Variants in CEP170 observed in about 807,000 individuals in gnomAD.
The protein encoded by CEP170 is centrosomal protein of 170 kDa.
Under a neutral mutation model 151.9 loss-of-function variants are expected in CEP170, and 21 were observed. That is an observed-to-expected ratio of 0.14 (90% CI 0.10 to 0.20). The LOEUF is 0.20. Ranked by LOEUF, CEP170 falls within the 10% of genes least tolerant of loss-of-function variation. The pLI, the probability that CEP170 is intolerant of heterozygous loss-of-function variation, is 1.00. For missense variants in CEP170, 964 were observed against 1,892.9 expected (o/e 0.51, Z 9.11); for synonymous variants, 356 against 648.8 (o/e 0.55, Z 6.86).
intron 10 of CEP170, among the ~76,000 whole-genome samples, chr1:243,173,934 C>CT (rs1176753198): frequency 6.6e-6 from 1 of 152,108 alleles, no homozygotes; most frequent in Non-Finnish European, 1.5e-5. Context: ...ATCTGAGTTA[C>CT]ATTTAGGCAT....
rs964547210 is a variant in CEP170, at chr1:243,126,869, A to G, written c.4466-131T>C. On this transcript the variant is annotated intron_variant, in intron 19 of 19. Transcript: ENST00000366542. ...AATGTGGCTAATCTTCCAATATTAT[A>G]TTTAAAACTCCATTCTTAGTTATTC... 3 of 703,148 alleles carry G rather than the reference A, an allele frequency of 4.3e-6. No homozygotes were observed. The African/African-American group carries it at 5.4e-5, about 13-fold the overall frequency. The allele number at this position is 703,148 out of a possible 1,614,324, so 43.6% of individuals were successfully genotyped here. A position where few individuals can be genotyped will look rare whatever the true frequency, so the allele number is the denominator to read the frequency against.
chr1:243,195,277 G>A (rs1001051886), intron 7 of CEP170, among the ~76,000 whole-genome samples: 9 of 151,924 alleles, frequency 5.9e-5, no homozygotes, highest in African/African-American at 2.2e-4. Context: ...TTCAAAATGT[G>A]TGCAACAGTT....
chr1:243,227,042 C>T (rs1316971523), intron 1 of CEP170, among the ~76,000 whole-genome samples: 2 of 152,076 alleles, frequency 1.3e-5, no homozygotes, highest in Admixed American at 1.3e-4. Context: ...TTTTGTAACA[C>T]CACGTATTGG....
At chr1:243,153,555 A>G (rs2057303005) in intron 14 of CEP170, among the ~76,000 whole-genome samples, 1 of 152,236 alleles carries the variant, frequency 6.6e-6, no homozygotes. Context: ...CACAGTCATC[A>G]GCAGGGATGT....
chr1:243,180,034 G>T (rs2059520922), intron 10 of CEP170, among the ~76,000 whole-genome samples: 1 of 152,140 alleles, frequency 6.6e-6, no homozygotes, highest in Admixed American at 6.6e-5. Context: ...GGCGGTGATG[G>T]TTGTGCAACA....
rs1160321796 is a variant in CEP170, at chr1:243,226,033, ATCTATC to A, written c.-41-718_-41-713del. Among the ~76,000 whole-genome samples, 159 of 120,564 alleles carry A rather than the reference ATCTATC, an allele frequency of 1.3e-3. 1 individual carries two copies. Among genetic ancestry groups the A allele is most frequent in the African/African-American group, 4.0e-3 (134 of 33,686 alleles). 79.1% of individuals were successfully genotyped at this position (120,564 alleles called of 152,430 possible). A position where few individuals can be genotyped will look rare whatever the true frequency, so the allele number is the denominator to read the frequency against. ...TAGATATATATACACACGTATATAT[ATCTATC>A]TCTAGATATATATATCTAGATATAT... On this transcript the variant is annotated intron_variant, in intron 1 of 19. Transcript: ENST00000366542.
intron 1 of CEP170, among the ~76,000 whole-genome samples, chr1:243,231,188 ATCATTAT>A (rs770022190): frequency 0.026 from 3,248 of 123,188 alleles, 49 homozygotes; most frequent in Non-Finnish European, 0.041. Context: ...CATCATCATC[ATCATTAT>A]TATTATTATT....
chr1:243,238,938 G>A (rs984456842), intron 1 of CEP170, among the ~76,000 whole-genome samples: 2 of 152,064 alleles, frequency 1.3e-5, no homozygotes, highest in Non-Finnish European at 2.9e-5. Context: ...ACTTCTGTGG[G>A]CACGCCTCAA....
At chr1:243,218,133 T>TCTG (rs1163608874) in intron 3 of CEP170, among the ~76,000 whole-genome samples, 3 of 152,234 alleles carry the variant, frequency 2.0e-5, no homozygotes, top group Non-Finnish European at 4.4e-5. Flanking sequence ...CCTCAATCTC[T>TCTG]CTGCCAGCTA....
intron 16 of CEP170, among the ~76,000 whole-genome samples, chr1:243,137,577 C>T (rs1226011241): frequency 6.6e-6 from 1 of 151,924 alleles, no homozygotes; most frequent in Non-Finnish European, 1.5e-5. Flanking sequence ...GAGATCGAGA[C>T]CATCCTGGCC....
intron 4 of CEP170, among the ~76,000 whole-genome samples, chr1:243,209,306 C>T (rs1480391449): frequency 6.6e-6 from 1 of 152,028 alleles, no homozygotes; most frequent in Admixed American, 6.5e-5. Flanking sequence ...CTGCCTCAGC[C>T]TCCTGAGTAG....
intron 15 of CEP170, among the ~76,000 whole-genome samples, chr1:243,140,771 TAAAAC>T (rs909195108): frequency 6.6e-6 from 1 of 152,132 alleles, no homozygotes; most frequent in Non-Finnish European, 1.5e-5. Context: ...TATTCTGAAA[TAAAAC>T]AAAAAGAAAA....
At chr1:243,243,969 A>G (rs191147421) in intron 1 of CEP170, among the ~76,000 whole-genome samples, 2 of 152,286 alleles carry the variant, frequency 1.3e-5, no homozygotes, top group Admixed American at 1.3e-4. Flanking sequence ...TGGAGTGAAA[A>G]CCAGTATGTT....
intron 13 of CEP170, among the ~76,000 whole-genome samples, chr1:243,159,898 C>T (rs1273227361): frequency 6.6e-6 from 1 of 151,930 alleles, no homozygotes; most frequent in Non-Finnish European, 1.5e-5. Flanking sequence ...AAGCAATTCT[C>T]CTGCCTCAGC....
At chr1:243,228,086 G>C (rs1428078933) in intron 1 of CEP170, among the ~76,000 whole-genome samples, 10 of 152,104 alleles carry the variant, frequency 6.6e-5, no homozygotes, top group Non-Finnish European at 1.5e-4. Context: ...CCATTCAACT[G>C]TATATTCTAC....
intron 17 of CEP170, among the ~76,000 whole-genome samples, chr1:243,133,699 T>C (rs1198878751): frequency 1.3e-5 from 2 of 152,168 alleles, no homozygotes; most frequent in African/African-American, 2.4e-5. Flanking sequence ...ATAGGATATA[T>C]TAGCAAATCA....
At chr1:243,217,494 A>C (rs1319441728) in intron 3 of CEP170, among the ~76,000 whole-genome samples, 1 of 151,822 alleles carries the variant, frequency 6.6e-6, no homozygotes, top group Non-Finnish European at 1.5e-5. Flanking sequence ...GAACATGTGT[A>C]CTAGGCACTT....
chr1:243,157,554 G>A (rs1028375687), intron 13 of CEP170, among the ~76,000 whole-genome samples: 7 of 152,216 alleles, frequency 4.6e-5, no homozygotes, highest in Admixed American at 1.3e-4. Context: ...TTACTTTTCC[G>A]AAACCTAGTG....
chr1:243,155,145 A>G (rs1337256786), intron 14 of CEP170, among the ~76,000 whole-genome samples: 1 of 152,212 alleles, frequency 6.6e-6, no homozygotes, highest in African/African-American at 2.4e-5. Flanking sequence ...ACTCTCCTAA[A>G]AAGCTATTTG....
Sources: gnomAD v4.1 joint callset for allele counts (sites outside exome capture counted in the v4.1 genomes callset) on GRCh38, gnomAD v4.1.1 for gene constraint, MANE v1.5 for transcripts, NCBI Gene and HGNC (gene_info 2026-07-23, HGNC 2026-07-21) for gene names.